The following TEAD1 variants were observed in gnomAD, a reference collection of about 807,000 sequenced individuals.
The protein encoded by TEAD1 is transcriptional enhancer factor TEF-1.
TEAD1 carries 9 observed loss-of-function variants against 54.9 expected under a neutral mutation model. The ratio of observed to expected loss-of-function variants is 0.16; its 90% CI spans 0.10 to 0.29. The LOEUF is 0.29. TEAD1 is among the 10% of genes least tolerant of loss of function. The pLI is 1.00. For missense variants in TEAD1, 387 were observed against 535.9 expected, an observed-to-expected ratio of 0.72 and a Z score of 2.74; for synonymous variants, 200 against 187.8, an observed-to-expected ratio of 1.07 and a Z score of -0.53.
chr11:12,736,845 A>C (rs1470446668), intron 2 of TEAD1, among the ~76,000 whole-genome samples: 1 of 152,216 alleles, frequency 6.6e-6, no homozygotes, highest in Non-Finnish European at 1.5e-5. Flanking sequence ...CTCCTTTTGA[A>C]AAGTGCCTTT....
In TEAD1 at chr11:12,819,485, T is replaced by C. The variant is rs560467197; in HGVS notation, c.203-42765T>C. ...TTTGTTTTGAGATGGAGTCTCGCTC[T>C]GTCACCCAGGCTGGAGTGTAGTGGC... On this transcript the variant is annotated intron_variant, in intron 3 of 12. Transcript: ENST00000527636. Among the ~76,000 whole-genome samples, 55 of 152,318 alleles carry C rather than the reference T, an allele frequency of 3.6e-4. 1 individual carries two copies. Among genetic ancestry groups the C allele is most frequent in the Non-Finnish European group, 6.2e-4 (42 of 68,036 alleles).
intron 9 of TEAD1, among the ~76,000 whole-genome samples, chr11:12,890,768 T>C (rs1354516352): frequency 6.6e-6 from 1 of 152,136 alleles, no homozygotes; most frequent in East Asian, 1.9e-4. Flanking sequence ...GTCAGAATAT[T>C]TTTCAATTAC....
intron 10 of TEAD1, among the ~76,000 whole-genome samples, chr11:12,913,448 C>T (rs1377418911): frequency 3.3e-5 from 5 of 152,196 alleles, no homozygotes; most frequent in African/African-American, 4.8e-5. Flanking sequence ...AACCATTATA[C>T]GTATACATAT....
intron 3 of TEAD1, among the ~76,000 whole-genome samples, chr11:12,791,435 A>G (rs1945800654): frequency 6.6e-6 from 1 of 152,188 alleles, no homozygotes; most frequent in African/African-American, 2.4e-5. Context: ...GATCTGAGGG[A>G]AGATTCTGGC....
At position 12,737,471 on chromosome 11, in the gene TEAD1, A is replaced by G. The variant is rs538529504; in HGVS notation, c.-54-26708A>G. On this transcript the variant is annotated intron_variant, in intron 2 of 12. Transcript: ENST00000527636. ...AGAATTCCCAGACAGCTCACAAGCA[A>G]GTGTGTGTCCTCTACTTACAACTGT... 1.2e-3 allele frequency among the ~76,000 whole-genome samples: 180 copies of G among 152,306 alleles called. 1 individual carries two copies. The highest frequency in any genetic ancestry group is 4.2e-3 in the African/African-American group (173 of 41,568).
intron 3 of TEAD1, among the ~76,000 whole-genome samples, chr11:12,825,108 A>C (rs910823899): frequency 1.3e-5 from 2 of 152,170 alleles, no homozygotes; most frequent in Non-Finnish European, 2.9e-5. Context: ...TCTGTTTCGT[A>C]AAGTCTTCAA....
At chr11:12,923,549 G>A (rs1488061547) in intron 10 of TEAD1, among the ~76,000 whole-genome samples, 8 of 152,222 alleles carry the variant, frequency 5.3e-5, no homozygotes, top group Admixed American at 5.2e-4. Flanking sequence ...CGGATGCGGA[G>A]CAGGGGGTTG....
In TEAD1 at chr11:12,788,796, A is replaced by G. The variant is rs192330331; in HGVS notation, c.202+24362A>G. Among the ~76,000 whole-genome samples, 19 of 152,360 alleles carry G rather than the reference A, an allele frequency of 1.2e-4. No homozygotes were observed. In the East Asian group the frequency reaches 1.3e-3, roughly 11 times the overall value. On this transcript the variant is annotated intron_variant, in intron 3 of 12. Transcript: ENST00000527636. ...GCAATGTGTGCTAAAATGCATCTAT[A>G]TGTGTATAATTTAAAAGGCAGGCAT...
chr11:12,831,013 C>A (rs942371731), intron 3 of TEAD1, among the ~76,000 whole-genome samples: 1 of 152,162 alleles, frequency 6.6e-6, no homozygotes, highest in Non-Finnish European at 1.5e-5. Context: ...GCCCATGACC[C>A]TCCTTCTCTC....
intron 2 of TEAD1, among the ~76,000 whole-genome samples, chr11:12,727,704 C>T (rs1447697124): frequency 1.3e-5 from 2 of 152,114 alleles, no homozygotes; most frequent in Non-Finnish European, 2.9e-5. Flanking sequence ...GCATTCAGCA[C>T]AGAATGAATT....
intron 2 of TEAD1, among the ~76,000 whole-genome samples, chr11:12,749,453 T>C (rs1026098685): frequency 6.6e-6 from 1 of 152,168 alleles, no homozygotes; most frequent in Non-Finnish European, 1.5e-5. Flanking sequence ...GTGTGTGTGC[T>C]GGGGACCCGT....
chr11:12,886,429 A>G (rs1026956357), intron 9 of TEAD1, among the ~76,000 whole-genome samples: 1 of 152,240 alleles, frequency 6.6e-6, no homozygotes, highest in African/African-American at 2.4e-5. Context: ...TTTAGGGGAT[A>G]TGAATTGGGG....
chr11:12,711,006 A>G (rs1217554375), intron 2 of TEAD1, among the ~76,000 whole-genome samples: 1 of 152,082 alleles, frequency 6.6e-6, no homozygotes, highest in Non-Finnish European at 1.5e-5. Flanking sequence ...CAAGTTGGGG[A>G]TGGTGTTTTT....
chr11:12,732,969 C>T (rs1944452455), intron 2 of TEAD1, among the ~76,000 whole-genome samples: 1 of 152,200 alleles, frequency 6.6e-6, no homozygotes, highest in African/African-American at 2.4e-5. Flanking sequence ...AGAGGATGAA[C>T]TGAAACCAGA....
At chr11:12,781,541 C>A (rs191624979) in intron 3 of TEAD1, among the ~76,000 whole-genome samples, 33 of 151,366 alleles carry the variant, frequency 2.2e-4, no homozygotes, top group African/African-American at 7.3e-4. Flanking sequence ...AAAAGACATA[C>A]GTTGAAAAAC....
chr11:12,918,720 T>C (rs978714768), intron 10 of TEAD1, among the ~76,000 whole-genome samples: 5 of 152,182 alleles, frequency 3.3e-5, no homozygotes, highest in African/African-American at 1.2e-4. Flanking sequence ...CTCTTCTTAA[T>C]AGGTCCATTT....
intron 2 of TEAD1, among the ~76,000 whole-genome samples, chr11:12,720,001 G>A (rs1944159368): frequency 1.6e-5 from 1 of 64,198 alleles, no homozygotes; most frequent in African/African-American, 5.1e-5. Flanking sequence ...TTTTGGGGGG[G>A]GACCCAGCCA....
chr11:12,774,251 A>T lies in TEAD1; in HGVS notation c.202+9817A>T, dbSNP rs1371773195. Reference sequence around the variant, plus strand: ...GTGTGGCCACAAATACGGTCAACTGATGTGAATGTGGGCGATGGACATGGG... The same window carrying T: ...GTGTGGCCACAAATACGGTCAACTGTTGTGAATGTGGGCGATGGACATGGG... On this transcript the variant is annotated intron_variant, in intron 3 of 12. Transcript: ENST00000527636. Among the ~76,000 whole-genome samples, 4 of 152,150 alleles carry T rather than the reference A, an allele frequency of 2.6e-5. No homozygotes were observed. The East Asian group carries it at 7.7e-4, about 29-fold the overall frequency.
chr11:12,828,747 C>T (rs1946709229), intron 3 of TEAD1, among the ~76,000 whole-genome samples: 1 of 144,840 alleles, frequency 6.9e-6, no homozygotes, highest in Non-Finnish European at 1.5e-5. Flanking sequence ...ACTCACTTTT[C>T]CTTAACTGGC....
Sources: allele counts gnomAD v4.1 joint callset (sites outside exome capture counted in the v4.1 genomes callset), GRCh38; gene constraint gnomAD v4.1.1; transcripts MANE v1.5; gene names NCBI Gene and HGNC (gene_info 2026-07-23, HGNC 2026-07-21).